KDM4A: variants seen among roughly 807,000 people sequenced by gnomAD.
The protein encoded by KDM4A is lysine-specific demethylase 4A.
A neutral mutation model predicts 127.1 loss-of-function variants in KDM4A; 23 were observed. The observed-to-expected ratio is 0.18, with a 90% CI of 0.13 to 0.26. The LOEUF (loss-of-function observed/expected upper bound fraction) is 0.26. KDM4A is among the 10% of genes least tolerant of loss of function. The probability of loss-of-function intolerance (pLI) is 1.00; values close to 1 mark genes in which losing one functional copy is unlikely to be tolerated. For missense variants in KDM4A, 890 were observed against 1,329.1 expected, an observed-to-expected ratio of 0.67 and a Z score of 5.14; for synonymous variants, 443 against 466.5, an observed-to-expected ratio of 0.95 and a Z score of 0.65.
At chr1:43,677,421 T>G (rs1660767010) in intron 11 of KDM4A, among the ~76,000 whole-genome samples, 1 of 151,540 alleles carries the variant, frequency 6.6e-6, no homozygotes, top group Admixed American at 6.6e-5. Context: ...CTAAGAAAAC[T>G]ACAAAAATTC....
rs987973062 is a variant in KDM4A, at chr1:43,693,373, C to T, written c.2376-621C>T. Among the ~76,000 whole-genome samples the T allele has an allele frequency of 5.3e-5, 8 of 152,214 alleles. No homozygotes were observed. Among genetic ancestry groups the T allele is most frequent in the African/African-American group, 1.7e-4 (7 of 41,440 alleles). ...TGGTTTTAAGAGTTGTCACCATTTT[C>T]GTTCTTCTCCTCTTGATGCATGCTG... is the stretch of plus-strand genomic sequence containing the variant. On this transcript the variant is annotated intron_variant, in intron 16 of 21. Coordinates refer to ENST00000372396, the MANE Select transcript of KDM4A (RefSeq NM_014663.3). The surrounding 1 kb of genome is among the most constrained non-coding windows in gnomAD (Gnocchi z 4.2).
Position 43,665,754 on chromosome 1 carries a change from T to G in KDM4A, c.673+9T>G, listed in dbSNP as rs772827417. Reference sequence around the variant, plus strand: ...GGAACGCCTCGCCAAAGGTACTGTGTCTCTTCTGTTTGCTGGATTGGACCC... The same window carrying G: ...GGAACGCCTCGCCAAAGGTACTGTGGCTCTTCTGTTTGCTGGATTGGACCC... On this transcript the variant is annotated intron_variant, in intron 6 of 21. Transcript: ENST00000372396. 3.1e-6 allele frequency: 5 copies of G among 1,613,822 alleles called. No homozygotes were observed. In the Admixed American group the frequency reaches 6.7e-5, roughly 22 times the overall value.
chr1:43,656,203 AAC>A (rs1660232878), intron 3 of KDM4A, among the ~76,000 whole-genome samples: 1 of 152,130 alleles, frequency 6.6e-6, no homozygotes, highest in African/African-American at 2.4e-5. Context: ...TTTTGACATT[AAC>A]AGTGTGAGTA....
At chr1:43,702,449 T>C (rs911696596) in intron 19 of KDM4A, 1 of 152,228 alleles carries the variant, frequency 6.6e-6, no homozygotes, top group African/African-American at 2.4e-5. Context: ...ATAAATGAAC[T>C]GTAGCATGAT....
At chr1:43,654,391 G>A (rs1261181707) in intron 2 of KDM4A, among the ~76,000 whole-genome samples, 1 of 151,808 alleles carries the variant, frequency 6.6e-6, no homozygotes, top group Admixed American at 6.6e-5. Flanking sequence ...AGTGTTATTT[G>A]TTTTGTTTTT....
intron 12 of KDM4A, 50 bp downstream of exon 12, chr1:43,683,854 A>C: frequency 6.2e-7 from 1 of 1,603,954 alleles, no homozygotes; most frequent in Non-Finnish European, 8.5e-7. Context: ...ACCACATTAG[A>C]CTTGACAGGA....
Position 43,669,262 on chromosome 1 carries a change from C to T in KDM4A, c.1326C>T (p.Ser442=), listed in dbSNP as rs781237552. The T allele has an allele frequency of 6.2e-7, 1 of 1,614,098 alleles. No individual in the cohort carries two copies. Among genetic ancestry groups the T allele is most frequent in the Non-Finnish European group, 8.5e-7 (1 of 1,180,050 alleles). ...TCGCCCCTGTGAGGCCCACCCATAG[C>T]TCTGTGCGGCAAGTTGAGGATGGTC... ...AALAPVRPTH[S]SVRQVEDGLT... The change falls in exon 10 of 22, where the codon AGC becomes AGT. Residue 442 remains serine (S), a synonymous_variant. Coordinates refer to ENST00000372396, the MANE Select transcript of KDM4A (RefSeq NM_014663.3).
chr1:43,658,958 G>GTT lies in KDM4A; in HGVS notation c.315-1328_315-1327dup, dbSNP rs58811976. On this transcript the variant is annotated intron_variant, in intron 3 of 21. Transcript: ENST00000372396. Reference sequence around the variant, plus strand: ...CTTGGCTAGTTTGAATCTAAAAGAAGTTTTTTTTTTTTTAATTAAATTTTC... The same window carrying GTT: ...CTTGGCTAGTTTGAATCTAAAAGAAGTTTTTTTTTTTTTTTAATTAAATTTTC... 2.6e-3 allele frequency among the ~76,000 whole-genome samples: 385 copies of GTT among 145,766 alleles called. 4 individuals are homozygous for GTT. Among genetic ancestry groups the GTT allele is most frequent in the African/African-American group, 8.8e-3 (352 of 40,006 alleles).
chr1:43,658,140 A>T (rs1385125542), intron 3 of KDM4A, among the ~76,000 whole-genome samples: 2 of 143,066 alleles, frequency 1.4e-5, no homozygotes, highest in African/African-American at 5.2e-5. Context: ...GCACAATCTC[A>T]CTCACTGCAA....
intron 3 of KDM4A, among the ~76,000 whole-genome samples, chr1:43,656,758 G>C (rs952425052): frequency 2.1e-5 from 3 of 144,404 alleles, no homozygotes; most frequent in African/African-American, 7.8e-5. Context: ...GTGGAGTCTC[G>C]CTCGTTCCCC....
At chr1:43,703,217 C>T (rs1661448886) in intron 19 of KDM4A, among the ~76,000 whole-genome samples, 1 of 151,974 alleles carries the variant, frequency 6.6e-6, no homozygotes, top group Non-Finnish European at 1.5e-5. Flanking sequence ...GCTGCGATTA[C>T]AGGCATGAGC....
chr1:43,684,306 C>T (rs552596387), intron 12 of KDM4A, among the ~76,000 whole-genome samples: 2 of 152,228 alleles, frequency 1.3e-5, no homozygotes, highest in African/African-American at 4.8e-5. Context: ...AGATCGAGAC[C>T]ATCCTGGCTA....
At position 43,688,545 on chromosome 1, in the gene KDM4A, G is replaced by C. The variant is rs1661040104; in HGVS notation, c.1856-369G>C. ...GACTTAACAGGCTGACGTTTTGGAGGCAGCAAATAAGATGGTTTTTGGCAA... is the reference window on the plus strand; with the variant it reads ...GACTTAACAGGCTGACGTTTTGGAGCCAGCAAATAAGATGGTTTTTGGCAA... On this transcript the variant is annotated intron_variant, in intron 12 of 21. Coordinates refer to ENST00000372396, the MANE Select transcript of KDM4A (RefSeq NM_014663.3). This position sits in a 1 kb window ranked among gnomAD's most constrained non-coding sequence, Gnocchi z 4.4. Among the ~76,000 whole-genome samples, 1 of 152,186 alleles carries C rather than the reference G, an allele frequency of 6.6e-6. No homozygotes were observed. Among genetic ancestry groups the C allele is most frequent in the African/African-American group, 2.4e-5 (1 of 41,454 alleles).
In KDM4A at chr1:43,704,656, G is replaced by A; in HGVS notation, c.*286G>A. ...CCCAGTCCATAGAGGGGTCAACTAT[G>A]CTGGCTGGACTGGCTGCCTTGTTCC... is the stretch of plus-strand genomic sequence containing the variant. On this transcript the variant is annotated 3_prime_UTR_variant, in exon 22 of 22. Coordinates refer to ENST00000372396, the MANE Select transcript of KDM4A (RefSeq NM_014663.3). 2.4e-6 allele frequency: 1 copy of A among 416,276 alleles called. No individual in the cohort carries two copies. The highest frequency in any genetic ancestry group is 4.3e-6 in the Non-Finnish European group (1 of 230,282). The allele number at this position is 416,276 out of a possible 1,614,324, so 25.8% of individuals were successfully genotyped here.
intron 10 of KDM4A, 47 bp from the exon 11 acceptor site, chr1:43,671,458 A>G (rs756178045): frequency 6.7e-7 from 1 of 1,494,072 alleles, no homozygotes; most frequent in Admixed American, 2.4e-5. Flanking sequence ...TCAGGTTCAC[A>G]TGTGCAGGAG....
Position 43,688,203 on chromosome 1 carries a change from A to T in KDM4A, c.1856-711A>T, listed in dbSNP as rs571232808. Among the ~76,000 whole-genome samples the T allele has an allele frequency of 5.3e-5, 8 of 152,254 alleles. No homozygotes were observed. In the South Asian group the frequency reaches 1.7e-3, roughly 32 times the overall value. On this transcript the variant is annotated intron_variant, in intron 12 of 21. Coordinates refer to ENST00000372396, the MANE Select transcript of KDM4A (RefSeq NM_014663.3). This position sits in a 1 kb window ranked among gnomAD's most constrained non-coding sequence, Gnocchi z 4.4. ...CACTGTACTCCAGCCTGGGCAACATAGCAAGACCCCATCATAAAAATGTAA... is the reference window on the plus strand; with the variant it reads ...CACTGTACTCCAGCCTGGGCAACATTGCAAGACCCCATCATAAAAATGTAA...
chr1:43,663,306 G>A (rs529537271), intron 5 of KDM4A, among the ~76,000 whole-genome samples: 7 of 152,164 alleles, frequency 4.6e-5, no homozygotes, highest in Non-Finnish European at 1.0e-4. Flanking sequence ...TTAGAGAGCA[G>A]GGTGCTGGCA....
At position 43,690,840 on chromosome 1, in the gene KDM4A, C is replaced by T. The variant is rs151246340; in HGVS notation, c.2038-5C>T. The T allele has an allele frequency of 1.2e-4, 190 of 1,614,120 alleles. 1 individual carries two copies. In the East Asian group the frequency reaches 4.1e-3, roughly 35 times the overall value. ...CTGAGGTGTACACTTGTTCTTTCCC[C>T]TTAGGTTGAATTTGGAGGCTTTAAT... On this transcript the variant is annotated splice_polypyrimidine_tract_variant and splice_region_variant and intron_variant, in intron 13 of 21. Coordinates refer to ENST00000372396, the MANE Select transcript of KDM4A (RefSeq NM_014663.3).
At chr1:43,669,649 A>T (rs1037676513) in intron 10 of KDM4A, among the ~76,000 whole-genome samples, 508 of 141,200 alleles carry the variant, frequency 3.6e-3, no homozygotes, top group Non-Finnish European at 6.1e-3. Flanking sequence ...GGAGATGGGA[A>T]TTTTTTTTTT....
Sources: allele counts gnomAD v4.1 joint callset (sites outside exome capture counted in the v4.1 genomes callset), GRCh38; gene constraint gnomAD v4.1.1; non-coding constraint Gnocchi (gnomAD v3.1); transcripts MANE v1.5; gene names NCBI Gene and HGNC (gene_info 2026-07-23, HGNC 2026-07-21).